OTOGL: variants seen among roughly 807,000 people sequenced by gnomAD.
The protein encoded by OTOGL is otogelin-like protein.
A neutral mutation model predicts 318.5 loss-of-function variants in OTOGL; 285 were observed. That is an observed-to-expected ratio of 0.89 (90% CI 0.81 to 0.99). The LOEUF is 0.99. Ranked by LOEUF, OTOGL falls within the 50% of genes least tolerant of loss-of-function variation. The probability of loss-of-function intolerance (pLI) is 0.00; values close to 1 mark genes in which losing one functional copy is unlikely to be tolerated. For synonymous variants in OTOGL, 987 were observed against 936.5 expected (o/e 1.05, Z -0.99); for missense variants, 2,899 against 2,845.6 (o/e 1.02, Z -0.43).
chr12:80,267,435 G>A (rs1883075741), intron 22 of OTOGL, 108 bp downstream of exon 22: 1 of 463,404 alleles, frequency 2.2e-6, no homozygotes. Flanking sequence ...AAGTTCTAGG[G>A]TATATGTGTA....
At chr12:80,251,575 A>G (rs1592609456) in intron 11 of OTOGL, 118 bp from the exon 12 acceptor site, 3 of 683,430 alleles carry the variant, frequency 4.4e-6, no homozygotes, top group Non-Finnish European at 7.3e-6. Flanking sequence ...ATATGCTGAC[A>G]TCAATTAACA....
chr12:80,116,298 G>C (rs1197671017), intron 1 of OTOGL, among the ~76,000 whole-genome samples: 2 of 151,934 alleles, frequency 1.3e-5, no homozygotes, highest in South Asian at 4.2e-4. Context: ...CCTTGGATAG[G>C]GGAGAGAGTT....
At chr12:80,145,666 G>A (rs368517331) in intron 1 of OTOGL, among the ~76,000 whole-genome samples, 15 of 151,820 alleles carry the variant, frequency 9.9e-5, no homozygotes, top group Non-Finnish European at 1.9e-4. Context: ...CCATTTTCAC[G>A]ATATTGATTC....
At chr12:80,346,647 C>CA (rs2137972127) in intron 44 of OTOGL, among the ~76,000 whole-genome samples, 1 of 152,204 alleles carries the variant, frequency 6.6e-6, no homozygotes, top group Non-Finnish European at 1.5e-5. Flanking sequence ...TTCTGCCTAT[C>CA]TTTTTCACTC....
intron 1 of OTOGL, among the ~76,000 whole-genome samples, chr12:80,200,018 A>G (rs949083216): frequency 6.6e-6 from 1 of 152,198 alleles, no homozygotes; most frequent in African/African-American, 2.4e-5. Context: ...CTCTATAAGC[A>G]CATCAGGAAA....
intron 1 of OTOGL, among the ~76,000 whole-genome samples, chr12:80,204,604 A>G (rs531299006): frequency 2.0e-5 from 3 of 152,274 alleles, no homozygotes; most frequent in South Asian, 2.1e-4. Context: ...GTAATTTTTG[A>G]TGCTTGGTGG....
Position 80,233,058 on chromosome 12 carries a change from T to C in OTOGL, c.778T>C (p.Tyr260His), listed in dbSNP as rs780732090. 6.3e-7 allele frequency: 1 copy of C among 1,597,748 alleles called. No individual in the cohort carries two copies. The stretch of plus-strand genomic sequence containing the variant: ...GAAATCATGTGGCCTATGTGGAAAC[T>C]ACAATGACATTCAATCTGATGATTT... ...KGKSCGLCGN[Y>H]NDIQSDDFII... Residue 260 changes from tyrosine to histidine, a missense_variant, in exon 9 of 59, where the codon TAC becomes CAC. By Grantham distance (83) the Tyr-to-His change is moderately conservative. Around this residue, in one of 3 missense-constraint regions of OTOGL, gnomAD observed 2,607 missense variants for 2,524.9 expected, o/e 1.03. Coordinates refer to ENST00000547103, the MANE Select transcript of OTOGL (RefSeq NM_001378609.3).
rs574974638 is a variant in OTOGL at position 80,310,670 on chromosome 12, T to C, written c.3393T>C (p.Tyr1131=). The part of the protein sequence containing the change: ...PCEAHQNKFP[Y]AKKECSILYS... ...AGGCACATCAAAACAAATTTCCTTA[T>C]GCCAAGAAAGAATGCTCCATTTTGT... The change falls in exon 30 of 59, where the codon TAT becomes TAC. Residue 1131 remains tyrosine, a synonymous_variant. Coordinates refer to ENST00000547103, the MANE Select transcript of OTOGL (RefSeq NM_001378609.3). The C allele has an allele frequency of 9.5e-5, 151 of 1,597,176 alleles. No homozygotes were observed. The Middle Eastern group carries it at 2.3e-3, about 24-fold the overall frequency.
chr12:80,159,501 A>G (rs1873356668), intron 1 of OTOGL, among the ~76,000 whole-genome samples: 1 of 151,892 alleles, frequency 6.6e-6, no homozygotes, highest in African/African-American at 2.4e-5. Flanking sequence ...TACCATTTCA[A>G]TCTTACTGCT....
intron 1 of OTOGL, among the ~76,000 whole-genome samples, chr12:80,108,852 ATATATGTGTATATATATGTG>A (rs1476233739): frequency 1.8e-4 from 25 of 141,488 alleles, no homozygotes; most frequent in Admixed American, 2.9e-4. Flanking sequence ...ATATGTGTAT[ATATATGTGTATATATATGTG>A]TATATATGTG....
At chr12:80,272,342 ATGTGTGTGTG>A (rs56364698) in intron 24 of OTOGL, among the ~76,000 whole-genome samples, 12,130 of 145,510 alleles carry the variant, frequency 0.083, 529 homozygotes, top group Non-Finnish European at 0.093. Context: ...AGGCATTGTG[ATGTGTGTGTG>A]TGTGTGTGTG....
intron 24 of OTOGL, among the ~76,000 whole-genome samples, chr12:80,277,471 A>G (rs200033207): frequency 1.5e-5 from 1 of 65,546 alleles, no homozygotes; most frequent in Non-Finnish European, 3.7e-5. Context: ...TTTATACTTA[A>G]TTATATATAT....
At chr12:80,309,693 A>T (rs1886500099) in intron 29 of OTOGL, among the ~76,000 whole-genome samples, 1 of 152,190 alleles carries the variant, frequency 6.6e-6, no homozygotes, top group Non-Finnish European at 1.5e-5. Flanking sequence ...TCCTGGGTGG[A>T]TACTGGTGTT....
intron 27 of OTOGL, among the ~76,000 whole-genome samples, chr12:80,302,278 C>A (rs754104924): frequency 3.3e-5 from 5 of 152,140 alleles, no homozygotes; most frequent in Non-Finnish European, 7.4e-5. Context: ...TTTTTTAGTT[C>A]TGTCATATTT....
Position 80,355,929 on chromosome 12 carries a change from C to T in OTOGL, c.5787C>T (p.Cys1929=). The change falls in exon 47 of 59, where the codon TGC becomes TGT. Residue 1929 remains cysteine (C), a synonymous_variant. Transcript: ENST00000547103. The part of the protein sequence containing the change: ...VVMGIIDKWT[C]CSKEVCGCDT... ...TGGGCATCATTGATAAATGGACCTG[C>T]TGTTCAAAGGAAGTTTGTGGTATGT... is the stretch of plus-strand genomic sequence containing the variant. The T allele has an allele frequency of 6.2e-7, 1 of 1,613,818 alleles. No individual in the cohort carries two copies. Among genetic ancestry groups the T allele is most frequent in the Non-Finnish European group, 8.5e-7 (1 of 1,179,782 alleles).
At chr12:80,124,302 C>T (rs1870673065) in intron 1 of OTOGL, among the ~76,000 whole-genome samples, 2 of 152,292 alleles carry the variant, frequency 1.3e-5, no homozygotes, top group South Asian at 4.1e-4. Context: ...GGAATCCTTT[C>T]CCCATTGCTT....
intron 17 of OTOGL, among the ~76,000 whole-genome samples, chr12:80,257,479 A>G (rs1040755409): frequency 6.6e-6 from 1 of 152,108 alleles, no homozygotes; most frequent in Non-Finnish European, 1.5e-5. Flanking sequence ...AGACAGATTG[A>G]AAAAACATTT....
At chr12:80,134,715 G>C (rs1257589133) in intron 1 of OTOGL, among the ~76,000 whole-genome samples, 3 of 152,044 alleles carry the variant, frequency 2.0e-5, no homozygotes, top group Non-Finnish European at 4.4e-5. Flanking sequence ...TCCCACCAAA[G>C]CTTACAGCAT....
chr12:80,334,621 A>T lies in OTOGL; in HGVS notation c.4423-1342A>T, dbSNP rs1032132712. Reference sequence around the variant, plus strand: ...CATGCAAATAATGTTAACCAGAGAAATAGGAGAAAATGTAGGAGGCTGCAG... The same window carrying T: ...CATGCAAATAATGTTAACCAGAGAATTAGGAGAAAATGTAGGAGGCTGCAG... On this transcript the variant is annotated intron_variant, in intron 38 of 58. Transcript: ENST00000547103. Among the ~76,000 whole-genome samples, 4 of 152,138 alleles carry T rather than the reference A, an allele frequency of 2.6e-5. No individual in the cohort carries two copies. In the East Asian group the frequency reaches 5.8e-4, roughly 22 times the overall value.
Sources: gnomAD v4.1 joint callset for allele counts (sites outside exome capture counted in the v4.1 genomes callset) on GRCh38, gnomAD v4.1.1 for gene constraint, gnomAD v4.1.1 regional missense constraint, MANE v1.5 for transcripts, NCBI Gene and HGNC (gene_info 2026-07-23, HGNC 2026-07-21) for gene names.